The following CASC3 variants were observed in gnomAD, a reference collection of about 807,000 sequenced individuals.
CASC3 encodes CASC3 exon junction complex subunit.
In CASC3, 30 loss-of-function variants were observed where a neutral mutation model predicts 80.5. The observed-to-expected ratio is 0.37, with a 90% confidence interval of 0.28 to 0.51. The LOEUF (loss-of-function observed/expected upper bound fraction) is 0.51, where lower values mean the gene tolerates loss of function less well. CASC3 is among the 20% of genes least tolerant of loss of function. CASC3 has a pLI of 0.94. For missense variants in CASC3, 824 were observed against 922.2 expected (o/e 0.89, Z 1.38); for synonymous variants, 312 against 333.6 (o/e 0.94, Z 0.70).
chr17:40,150,009 A>C (rs968333671), intron 3 of CASC3, among the ~76,000 whole-genome samples: 10 of 152,182 alleles, frequency 6.6e-5, no homozygotes, highest in African/African-American at 2.4e-4. Context: ...GATGAGAAGT[A>C]TCTTCCATTG....
chr17:40,152,229 C>T (rs974444435), intron 3 of CASC3, among the ~76,000 whole-genome samples: 2 of 152,232 alleles, frequency 1.3e-5, no homozygotes, highest in Non-Finnish European at 2.9e-5. Context: ...CCTCAAACTC[C>T]TGGGCTTAAG....
rs200624336 is a variant in CASC3, at chr17:40,163,720, C to G, written c.1025C>G (p.Thr342Ser). The change falls in exon 7 of 14, where the codon ACT becomes AGT. Residue 342 changes from threonine (T) to serine (S), a missense_variant. Transcript: ENST00000264645. Reference sequence around the variant, plus strand: ...CAGCATGGTGGCCGGTCTGGTGAGACTGTTAAGCATGAGATTAGTTACCGG... The same window carrying G: ...CAGCATGGTGGCCGGTCTGGTGAGAGTGTTAAGCATGAGATTAGTTACCGG... ...GGQHGGRSGE[T>S]VKHEISYRSR... is the part of the protein sequence containing the mutation. The G allele has an allele frequency of 1.2e-6, 2 of 1,614,154 alleles. No individual in the cohort carries two copies. Among genetic ancestry groups the G allele is most frequent in the East Asian group, 2.2e-5 (1 of 44,888 alleles).
At chr17:40,140,980 G>T in intron 1 of CASC3, 2 of 636,430 alleles carry the variant, frequency 3.1e-6, no homozygotes, top group Admixed American at 3.2e-5. Context: ...TTTCTGGGAG[G>T]ATGGTAGAGC....
rs575554661 is a variant in CASC3 at position 40,171,774 on chromosome 17, G to A, written c.*1369G>A. The A allele has an allele frequency of 2.3e-5, 27 of 1,160,930 alleles. No homozygotes were observed. The East Asian group carries it at 1.6e-3, about 67-fold the overall frequency. The allele number at this position is 1,160,930 out of a possible 1,614,324, so 71.9% of individuals were successfully genotyped here. On this transcript the variant is annotated 3_prime_UTR_variant, in exon 14 of 14. Coordinates refer to ENST00000264645, the MANE Select transcript of CASC3 (RefSeq NM_007359.5). Reference sequence around the variant, plus strand: ...ACCTGAGGGCAAAGATGGTGGCTGTGTCTCTCCCCGGTAATGTCACTGTTT... The same window carrying A: ...ACCTGAGGGCAAAGATGGTGGCTGTATCTCTCCCCGGTAATGTCACTGTTT...
intron 3 of CASC3, among the ~76,000 whole-genome samples, chr17:40,146,411 G>A (rs2145154716): frequency 6.6e-6 from 1 of 151,494 alleles, no homozygotes; most frequent in Admixed American, 6.6e-5. Context: ...TTGCTATCCA[G>A]CATCTCGAGA....
Position 40,166,842 on chromosome 17 carries a change from T to G in CASC3, c.1517T>G (p.Phe506Cys), listed in dbSNP as rs1178998027. Residue 506 changes from phenylalanine to cysteine, a missense_variant, in exon 8 of 14, where the codon TTT becomes TGT. Around this residue, in one of 3 missense-constraint regions of CASC3, gnomAD observed 464 missense variants for 506.0 expected, o/e 0.92. Coordinates refer to ENST00000264645, the MANE Select transcript of CASC3 (RefSeq NM_007359.5). ...IHMGAGPPPQ[F>C]NRMEEMGVQG... ...ATGGGAGCAGGACCTCCACCTCAGT[T>G]TAACCGGATGGAAGAAATGGTACAG... 3.1e-6 allele frequency: 5 copies of G among 1,606,824 alleles called. No homozygotes were observed. The Middle Eastern group carries it at 5.0e-4, about 159-fold the overall frequency.
intron 3 of CASC3, among the ~76,000 whole-genome samples, chr17:40,160,656 G>A (rs780430696): frequency 1.3e-5 from 2 of 151,812 alleles, no homozygotes; most frequent in Non-Finnish European, 2.9e-5. Flanking sequence ...TTGCTTTTTC[G>A]AGATGGAGTT....
chr17:40,164,440 T>G (rs2145178786), intron 7 of CASC3, among the ~76,000 whole-genome samples: 1 of 151,602 alleles, frequency 6.6e-6, no homozygotes, highest in South Asian at 2.1e-4. Flanking sequence ...ATTTTTTTTT[T>G]TGTATTTTTA....
intron 2 of CASC3, 148 bp downstream of exon 2, chr17:40,141,382 C>T (rs1988712713): frequency 4.6e-6 from 4 of 870,380 alleles, no homozygotes; most frequent in Non-Finnish European, 7.6e-6. Flanking sequence ...AGAGCATAGG[C>T]TTTAGCAGTA....
At chr17:40,146,441 T>C (rs1185113233) in intron 3 of CASC3, among the ~76,000 whole-genome samples, 1 of 151,160 alleles carries the variant, frequency 6.6e-6, no homozygotes. Context: ...TCTTTTTTTT[T>C]TTTTTTTTCT....
rs1285212339 is a variant in CASC3, at chr17:40,161,834, A to G, written c.379A>G (p.Thr127Ala). 1.9e-6 allele frequency: 3 copies of G among 1,614,198 alleles called. No homozygotes were observed. Among genetic ancestry groups the G allele is most frequent in the South Asian group, 1.1e-5 (1 of 91,078 alleles). The change falls in exon 4 of 14, where the codon ACA becomes GCA. Residue 127 changes from threonine to alanine, a missense_variant. Thr to Ala is a moderately conservative substitution (Grantham distance 58). Around this residue, in one of 3 missense-constraint regions of CASC3, gnomAD observed 201 missense variants for 294.1 expected, o/e 0.68. Coordinates refer to ENST00000264645, the MANE Select transcript of CASC3 (RefSeq NM_007359.5). ...AGCTAATGATGCTGTTAATTCTTCAACAAAAGAAGAGAAGGGAGAAGAAAA... is the reference window on the plus strand; with the variant it reads ...AGCTAATGATGCTGTTAATTCTTCAGCAAAAGAAGAGAAGGGAGAAGAAAA... Reference protein sequence around the residue: ...SEANDAVNSSTKEEKGEEKPD... With the variant: ...SEANDAVNSSAKEEKGEEKPD...
At chr17:40,145,513 TAGAG>T (rs1988836796) in intron 3 of CASC3, among the ~76,000 whole-genome samples, 1 of 151,834 alleles carries the variant, frequency 6.6e-6, no homozygotes, top group Non-Finnish European at 1.5e-5. Flanking sequence ...ATAGAGAAGA[TAGAG>T]AGCGTTTGGG....
chr17:40,152,767 G>GTA (rs1218069900), intron 3 of CASC3, among the ~76,000 whole-genome samples: 1 of 151,366 alleles, frequency 6.6e-6, no homozygotes, highest in Non-Finnish European at 1.5e-5. Context: ...GCCTGACCAA[G>GTA]TATACAGTAC....
At chr17:40,154,741 G>A (rs538146197) in intron 3 of CASC3, among the ~76,000 whole-genome samples, 1 of 152,048 alleles carries the variant, frequency 6.6e-6, no homozygotes, top group Non-Finnish European at 1.5e-5. Flanking sequence ...TTTGGTGTTA[G>A]GTATCTAAGA....
intron 2 of CASC3, 51 bp from the exon 3 acceptor site, chr17:40,141,519 A>T: frequency 6.5e-7 from 1 of 1,549,738 alleles, no homozygotes; most frequent in Non-Finnish European, 8.9e-7. Context: ...ATAAGCAGCC[A>T]AAAAATGTTT....
intron 1 of CASC3, 124 bp from the exon 2 acceptor site, chr17:40,141,083 C>T: frequency 3.3e-6 from 3 of 899,790 alleles, no homozygotes; most frequent in South Asian, 2.8e-5. Context: ...TAAAGATTTA[C>T]CTATCTCTGT....
intron 3 of CASC3, among the ~76,000 whole-genome samples, chr17:40,142,425 T>C (rs549832570): frequency 6.6e-6 from 1 of 152,152 alleles, no homozygotes; most frequent in South Asian, 2.1e-4. Context: ...TCGGGAAAGA[T>C]TAAACAGTTG....
At chr17:40,151,121 G>A (rs1988996353) in intron 3 of CASC3, among the ~76,000 whole-genome samples, 1 of 152,194 alleles carries the variant, frequency 6.6e-6, no homozygotes, top group African/African-American at 2.4e-5. Context: ...CCTGTACTCA[G>A]CTACTCAGGA....
At chr17:40,142,864 G>A (rs1988756090) in intron 3 of CASC3, among the ~76,000 whole-genome samples, 1 of 151,912 alleles carries the variant, frequency 6.6e-6, no homozygotes, top group African/African-American at 2.4e-5. Flanking sequence ...TTGTGCCACT[G>A]CACTCCAGCC....
Sources: gnomAD v4.1 joint callset for allele counts (sites outside exome capture counted in the v4.1 genomes callset) on GRCh38, gnomAD v4.1.1 for gene constraint, gnomAD v4.1.1 regional missense constraint, MANE v1.5 for transcripts, NCBI Gene and HGNC (gene_info 2026-07-23, HGNC 2026-07-21) for gene names.